The following ZFYVE21 variants were observed in gnomAD, a reference collection of about 807,000 sequenced individuals.
The protein encoded by ZFYVE21 is zinc finger FYVE-type containing 21.
A neutral mutation model predicts 29.5 loss-of-function variants in ZFYVE21; 21 were observed. The ratio of observed to expected loss-of-function variants is 0.71; its 90% CI spans 0.50 to 1.02. ZFYVE21 has a LOEUF of 1.02. Among genes scored for constraint, ZFYVE21 ranks in the 50% least tolerant of loss-of-function variants. The pLI is 0.00. For synonymous variants in ZFYVE21, 151 were observed against 133.8 expected, an observed-to-expected ratio of 1.13 and a Z score of -0.89; for missense variants, 326 against 335.4, an observed-to-expected ratio of 0.97 and a Z score of 0.22.
intron 2 of ZFYVE21, 173 bp downstream of exon 2, chr14:103,727,015 G>A (rs992233336): frequency 6.6e-6 from 4 of 605,920 alleles, no homozygotes; most frequent in African/African-American, 2.0e-5. Context: ...GCTCCATCTC[G>A]GCTCACTGCA....
Position 103,732,755 on chromosome 14 carries a change from T to C in ZFYVE21, c.662T>C (p.Met221Thr), listed in dbSNP as rs748923523. The C allele has an allele frequency of 2.5e-6, 4 of 1,612,194 alleles. No individual in the cohort carries two copies. The highest frequency in any genetic ancestry group is 1.1e-5 in the South Asian group (1 of 90,852). Residue 221 changes from methionine to threonine, a missense_variant, in exon 6 of 7, where the codon ATG becomes ACG. Met to Thr is a moderately conservative substitution (Grantham distance 81, BLOSUM62 -1). Coordinates refer to ENST00000311141, the MANE Select transcript of ZFYVE21 (RefSeq NM_024071.4). The part of the protein sequence containing the change: ...RRQAVAWLVA[M>T]HKAAKLLYES... ...CAGGCGGTGGCGTGGCTAGTGGCCA[T>C]GCACAAGGTACCTGAGCCCAGGCCA...
intron 1 of ZFYVE21, chr14:103,726,202 CAG>C (rs1595690887): frequency 6.6e-6 from 1 of 152,300 alleles, no homozygotes; most frequent in East Asian, 1.9e-4. Context: ...AGGCGGGGGT[CAG>C]GGCACGCACG....
rs763043303 is a variant in ZFYVE21, at chr14:103,727,944, G to T, written c.358+30G>T. 4.4e-6 allele frequency: 7 copies of T among 1,575,932 alleles called. No individual in the cohort carries two copies. The South Asian group carries it at 6.8e-5, about 15-fold the overall frequency. On this transcript the variant is annotated intron_variant, in intron 3 of 6. Transcript: ENST00000311141. ...GGACGGGTGTCCTGCACAGTCCCGC[G>T]CGCTCCGCCAGCCGGCTCCTCGTGT...
At chr14:103,722,148 T>G (rs2083877890) in intron 1 of ZFYVE21, among the ~76,000 whole-genome samples, 1 of 152,140 alleles carries the variant, frequency 6.6e-6, no homozygotes, top group Admixed American at 6.5e-5. Flanking sequence ...TTGGCAGTAG[T>G]TTTACCTTAT....
chr14:103,719,320 C>T (rs2083853788), intron 1 of ZFYVE21, among the ~76,000 whole-genome samples: 2 of 151,640 alleles, frequency 1.3e-5, no homozygotes, highest in Admixed American at 1.3e-4. Context: ...ATTAGTCGGG[C>T]GTGGTGGTGT....
At position 103,716,951 on chromosome 14, in the gene ZFYVE21, C is replaced by G. The variant is rs987224009; in HGVS notation, c.138+972C>G. Among the ~76,000 whole-genome samples the G allele has an allele frequency of 6.6e-6, 1 of 152,182 alleles. No homozygotes were observed. The highest frequency in any genetic ancestry group is 1.5e-5 in the Non-Finnish European group (1 of 68,042). ...GAATTTTTGTAATATGACTTTCATA[C>G]TTAACACGTGTTACAGATTCGTTTA... is the stretch of plus-strand genomic sequence containing the variant. On this transcript the variant is annotated intron_variant, in intron 1 of 6. Transcript: ENST00000311141. This position sits in a 1 kb window ranked among gnomAD's most constrained non-coding sequence, Gnocchi z 4.8.
intron 5 of ZFYVE21, chr14:103,729,719 T>C: frequency 6.6e-7 from 1 of 1,508,762 alleles, no homozygotes; most frequent in Non-Finnish European, 8.9e-7. Context: ...GTAACCCATG[T>C]TGCTTTCCTT....
intron 1 of ZFYVE21, among the ~76,000 whole-genome samples, chr14:103,719,021 C>T (rs1040937796): frequency 6.6e-6 from 1 of 152,092 alleles, no homozygotes; most frequent in Non-Finnish European, 1.5e-5. Context: ...TTTTCTTTTG[C>T]AGGGAGGAGT....
intron 2 of ZFYVE21, chr14:103,727,275 C>T: frequency 2.8e-6 from 1 of 359,290 alleles, no homozygotes. Context: ...GTCAGCCATG[C>T]CCTGTTTCCG....
intron 2 of ZFYVE21, chr14:103,727,062 C>T: frequency 3.9e-6 from 2 of 512,406 alleles, no homozygotes; most frequent in East Asian, 3.5e-5. Context: ...TCTCCTGCCT[C>T]AGCCTCCTGA....
intron 1 of ZFYVE21, among the ~76,000 whole-genome samples, chr14:103,718,221 A>G (rs891659415): frequency 1.3e-5 from 2 of 152,228 alleles, no homozygotes; most frequent in Non-Finnish European, 2.9e-5. Context: ...GATCGGCATC[A>G]TCGTCATATC....
In ZFYVE21 at chr14:103,727,800, G is replaced by A; in HGVS notation, c.244G>A (p.Val82Met). ...CTGCGACAGGTGCTGCAGCCAGAAG[G>A]TGCCGCTGCGGCGCATGTGCTTTGT... ...CFCDRCCSQK[V>M]PLRRMCFVDP... The change falls in exon 3 of 7, where the codon GTG (valine) becomes ATG (methionine). Residue 82 changes from valine to methionine, a missense_variant. Coordinates refer to ENST00000311141, the MANE Select transcript of ZFYVE21 (RefSeq NM_024071.4). 6.2e-7 allele frequency: 1 copy of A among 1,612,554 alleles called. No homozygotes were observed. The highest frequency in any genetic ancestry group is 8.5e-7 in the Non-Finnish European group (1 of 1,179,900).
intron 2 of ZFYVE21, chr14:103,727,093 T>C (rs552813409): frequency 4.7e-5 from 22 of 471,794 alleles, no homozygotes; most frequent in Non-Finnish European, 6.9e-5. Context: ...TTACAGGGGC[T>C]TGCCACCACG....
intron 1 of ZFYVE21, chr14:103,726,448 G>A (rs920994284): frequency 1.4e-5 from 3 of 209,942 alleles, no homozygotes; most frequent in African/African-American, 4.6e-5. Context: ...CTAAAAAGGC[G>A]TTGTTAAGGT....
chr14:103,722,634 A>G (rs1402818321), intron 1 of ZFYVE21, among the ~76,000 whole-genome samples: 1 of 152,014 alleles, frequency 6.6e-6, no homozygotes, highest in African/African-American at 2.4e-5. Flanking sequence ...CCTGGCTAAC[A>G]CAGTGAAACC....
At chr14:103,731,452 A>AG (rs2083973123) in intron 5 of ZFYVE21, 1 of 150,974 alleles carries the variant, frequency 6.6e-6, no homozygotes, top group Non-Finnish European at 1.5e-5. Flanking sequence ...ATACAAAAAA[A>AG]AAAAAAAATA....
At chr14:103,726,579 G>A (rs1184260577) in intron 1 of ZFYVE21, 2 of 614,444 alleles carry the variant, frequency 3.3e-6, no homozygotes, top group East Asian at 2.8e-5. Context: ...ATCTCCCGCA[G>A]GCCTGGGAGC....
chr14:103,729,740 A>G, intron 5 of ZFYVE21: 1 of 1,533,242 alleles, frequency 6.5e-7, no homozygotes, highest in Non-Finnish European at 8.7e-7. Flanking sequence ...CCGTTCTCTC[A>G]CCGGCTCTTG....
At chr14:103,723,294 A>G (rs1348030837) in intron 1 of ZFYVE21, among the ~76,000 whole-genome samples, 1 of 152,214 alleles carries the variant, frequency 6.6e-6, no homozygotes, top group Non-Finnish European at 1.5e-5. Flanking sequence ...AGCAGGCAGA[A>G]CATTCCAGAA....
Sources: allele counts gnomAD v4.1 joint callset (sites outside exome capture counted in the v4.1 genomes callset), GRCh38; gene constraint gnomAD v4.1.1; non-coding constraint Gnocchi (gnomAD v3.1); transcripts MANE v1.5; gene names NCBI Gene and HGNC (gene_info 2026-07-23, HGNC 2026-07-21).